Variants in C12orf42 observed in about 807,000 individuals in gnomAD.
The protein encoded by C12orf42 is uncharacterized protein C12orf42.
C12orf42 carries 25 observed loss-of-function variants against 21.6 expected under a neutral mutation model. The ratio of observed to expected loss-of-function variants is 1.16; its 90% CI spans 0.84 to 1.62. The LOEUF is 1.62. C12orf42 is among the 40% of genes most tolerant of loss of function. The pLI is 0.00. For synonymous variants in C12orf42, 174 were observed against 175.0 expected (o/e 0.99, Z 0.05); for missense variants, 483 against 459.3 (o/e 1.05, Z -0.47).
At chr12:103,189,969 G>T in the C12orf42 span, among the ~76,000 whole-genome samples, 1 of 124,682 alleles carries the variant, frequency 8.0e-6, no homozygotes, top group Non-Finnish European at 1.9e-5. Flanking sequence ...GGATATACAT[G>T]TGTATATATA....
chr12:103,188,283 CTTTT>C, the C12orf42 span, among the ~76,000 whole-genome samples: 1 of 151,492 alleles, frequency 6.6e-6, no homozygotes, highest in Non-Finnish European at 1.5e-5. Flanking sequence ...TTCTTTCTTT[CTTTT>C]TTAATTTTAT....
chr12:103,299,276 A>T (rs902140253), downstream of C12orf42, among the ~76,000 whole-genome samples: 1 of 152,000 alleles, frequency 6.6e-6, no homozygotes, highest in Non-Finnish European at 1.5e-5. Context: ...TGAAGCCATT[A>T]TAAGGACTAA....
the C12orf42 span, among the ~76,000 whole-genome samples, chr12:103,076,385 A>G: frequency 6.6e-6 from 1 of 151,908 alleles, no homozygotes; most frequent in Non-Finnish European, 1.5e-5. Context: ...TGATGAGGGC[A>G]AGAGGCAGAG....
At chr12:103,072,117 C>A in the C12orf42 span, among the ~76,000 whole-genome samples, 22 of 152,254 alleles carry the variant, frequency 1.4e-4, no homozygotes, top group African/African-American at 4.8e-4. Context: ...ATTCACGAAG[C>A]AAGTGCCATC....
the C12orf42 span, among the ~76,000 whole-genome samples, chr12:103,119,637 A>C: frequency 6.6e-6 from 1 of 152,214 alleles, no homozygotes; most frequent in Non-Finnish European, 1.5e-5. Context: ...CATGAGGAGA[A>C]GGACTATATC....
At chr12:103,270,708 C>T (rs2035421341) in intron 5 of C12orf42, among the ~76,000 whole-genome samples, 1 of 148,704 alleles carries the variant, frequency 6.7e-6, no homozygotes, top group Non-Finnish European at 1.5e-5. Flanking sequence ...AGGTATATCT[C>T]CTAATGCTAT....
chr12:103,508,303 G>T, the C12orf42 span, among the ~76,000 whole-genome samples: 1 of 152,180 alleles, frequency 6.6e-6, no homozygotes, highest in Non-Finnish European at 1.5e-5. Flanking sequence ...TAAATTGTGT[G>T]AGTGGAAGGA....
chr12:103,232,483 C>T, the C12orf42 span, among the ~76,000 whole-genome samples: 16 of 152,060 alleles, frequency 1.1e-4, no homozygotes, highest in East Asian at 1.9e-4. Flanking sequence ...CCGAGGCGGG[C>T]GGATCATGAG....
chr12:103,490,698 T>C (rs960875555), intron 1 of C12orf42, among the ~76,000 whole-genome samples: 1 of 151,896 alleles, frequency 6.6e-6, no homozygotes, highest in African/African-American at 2.4e-5. Context: ...TCCTCTAGTG[T>C]TTTTCATTAA....
At chr12:103,371,030 T>C (rs2045176425) in intron 3 of C12orf42, among the ~76,000 whole-genome samples, 1 of 152,194 alleles carries the variant, frequency 6.6e-6, no homozygotes, top group African/African-American at 2.4e-5. Flanking sequence ...TGTATAGATT[T>C]GGATATTGGA....
the C12orf42 span, among the ~76,000 whole-genome samples, chr12:103,230,534 C>T: frequency 6.6e-6 from 1 of 152,096 alleles, no homozygotes; most frequent in African/African-American, 2.4e-5. Context: ...GAAATGAATA[C>T]CAGGAAACAA....
chr12:103,278,844 G>A (rs958564723), intron 4 of C12orf42, among the ~76,000 whole-genome samples: 22 of 152,194 alleles, frequency 1.4e-4, no homozygotes, highest in African/African-American at 5.1e-4. Context: ...GCACCTGACA[G>A]CCAAGTTTTG....
intron 2 of C12orf42, among the ~76,000 whole-genome samples, chr12:103,409,860 T>C (rs1344267043): frequency 1.3e-5 from 2 of 152,222 alleles, no homozygotes; most frequent in African/African-American, 4.8e-5. Context: ...CAATCTTATA[T>C]TGAGCACAAT....
At chr12:103,494,215 AGGT>A (rs1955363432) in intron 1 of C12orf42, among the ~76,000 whole-genome samples, 1 of 152,158 alleles carries the variant, frequency 6.6e-6, no homozygotes, top group African/African-American at 2.4e-5. Context: ...TGTAACTCAC[AGGT>A]GTTTGTGGGC....
intron 2 of C12orf42, among the ~76,000 whole-genome samples, chr12:103,405,620 C>G (rs1269251132): frequency 5.3e-5 from 8 of 152,210 alleles, no homozygotes; most frequent in Non-Finnish European, 8.8e-5. Flanking sequence ...AGAAAAGTTC[C>G]CAGGGGGATC....
At chr12:103,207,868 C>T in the C12orf42 span, among the ~76,000 whole-genome samples, 1 of 152,226 alleles carries the variant, frequency 6.6e-6, no homozygotes. Context: ...CCAGTGCTTA[C>T]AGGCAAGCTT....
chr12:103,268,071 A>C (rs1192805236), downstream of C12orf42: 1 of 152,148 alleles, frequency 6.6e-6, no homozygotes, highest in East Asian at 1.9e-4. Flanking sequence ...CATATTGTAA[A>C]AATCAAGAGT....
chr12:103,480,760 ATTTG>A (rs1461293661), intron 1 of C12orf42, among the ~76,000 whole-genome samples: 2 of 151,596 alleles, frequency 1.3e-5, no homozygotes, highest in Non-Finnish European at 3.0e-5. Flanking sequence ...CAAAAATAAG[ATTTG>A]TTTGATATCA....
At chr12:103,105,338 GATA>G in the C12orf42 span, among the ~76,000 whole-genome samples, 1 of 152,074 alleles carries the variant, frequency 6.6e-6, no homozygotes, top group Non-Finnish European at 1.5e-5. Flanking sequence ...TAATTTAAAA[GATA>G]ATATAACATG....
Sources: gnomAD v4.1 joint callset for allele counts (sites outside exome capture counted in the v4.1 genomes callset) on GRCh38, gnomAD v4.1.1 for gene constraint, MANE v1.5 for transcripts, NCBI Gene and HGNC (gene_info 2026-07-23, HGNC 2026-07-21) for gene names.